Variants in ZNF782 observed in about 807,000 individuals in gnomAD.
The protein encoded by ZNF782 is zinc finger protein 782.
Under a neutral mutation model 13.0 loss-of-function variants are expected in ZNF782, and 12 were observed. The observed-to-expected ratio is 0.92, with a 90% CI of 0.59 to 1.50. The LOEUF (loss-of-function observed/expected upper bound fraction) is 1.50. ZNF782 is among the 40% of genes most tolerant of loss of function. The probability of loss-of-function intolerance (pLI) is 0.00; values close to 1 mark genes in which losing one functional copy is unlikely to be tolerated. For synonymous variants in ZNF782, 284 were observed against 283.0 expected, an observed-to-expected ratio of 1.00 and a Z score of -0.04; for missense variants, 770 against 822.9, an observed-to-expected ratio of 0.94 and a Z score of 0.79.
intron 1 of ZNF782, among the ~76,000 whole-genome samples, chr9:96,875,045 T>C (rs561335174): frequency 3.3e-5 from 5 of 152,360 alleles, no homozygotes; most frequent in Non-Finnish European, 5.9e-5. Context: ...CATGTCACTT[T>C]GCTCAGTGCT....
chr9:96,817,191 G>T lies in ZNF782; in HGVS notation c.*732C>A, dbSNP rs1850199398. 1 of 152,146 alleles carries T rather than the reference G, an allele frequency of 6.6e-6. No homozygotes were observed. Among genetic ancestry groups the T allele is most frequent in the Admixed American group, 6.6e-5 (1 of 15,266 alleles). 9.4% of individuals were successfully genotyped at this position (152,146 alleles called of 1,614,324 possible). ...AGAAGAAAATATTGAGAATTTGACT[G>T]ATGTATTTAAGACCTGTCACTGACC... On this transcript the variant is annotated 3_prime_UTR_variant, in exon 6 of 6. Coordinates refer to ENST00000481138, the MANE Select transcript of ZNF782 (RefSeq NM_001001662.3).
chr9:96,838,924 C>G (rs1401382945), intron 4 of ZNF782, among the ~76,000 whole-genome samples: 1 of 152,024 alleles, frequency 6.6e-6, no homozygotes, highest in African/African-American at 2.4e-5. Flanking sequence ...CCATGTTGGC[C>G]AGGCTGGTCT....
chr9:96,890,840 C>T, the ZNF782 span: 2 of 152,214 alleles, frequency 1.3e-5, no homozygotes, highest in Admixed American at 1.3e-4. Context: ...CCAGTGTTCA[C>T]AGCAACATTA....
the ZNF782 span, chr9:96,903,055 C>T: frequency 5.3e-5 from 8 of 150,620 alleles, no homozygotes; most frequent in African/African-American, 2.0e-4. Flanking sequence ...CCTCCAGCCT[C>T]GGCCTCCCAA....
chr9:96,883,241 G>A, the ZNF782 span, among the ~76,000 whole-genome samples: 9 of 152,286 alleles, frequency 5.9e-5, no homozygotes, highest in African/African-American at 2.2e-4. Context: ...CAAGCCACCT[G>A]ACTACAAGTG....
intron 4 of ZNF782, among the ~76,000 whole-genome samples, chr9:96,844,633 G>C (rs1021061756): frequency 6.6e-6 from 1 of 152,092 alleles, no homozygotes; most frequent in African/African-American, 2.4e-5. Context: ...ATCTTCTGGG[G>C]GGTGATAAAA....
In ZNF782 at chr9:96,818,573, C is replaced by T. The variant is rs201602435; in HGVS notation, c.1450G>A (p.Gly484Arg). ...GEKPFECNECGKSFSHMSGLR... is the reference protein window; with the variant it reads ...GEKPFECNECRKSFSHMSGLR... ...CCTGACATATGGCTGAAAGATTTCC[C>T]GCATTCATTACATTCAAAAGGTTTC... The change falls in exon 6 of 6, where the codon GGG becomes AGG. Residue 484 changes from glycine to arginine, a missense_variant. Coordinates refer to ENST00000481138, the MANE Select transcript of ZNF782 (RefSeq NM_001001662.3). 2.1e-4 allele frequency: 342 copies of T among 1,613,838 alleles called. 1 individual carries two copies. The highest frequency in any genetic ancestry group is 1.9e-3 in the South Asian group (177 of 91,016).
intron 4 of ZNF782, among the ~76,000 whole-genome samples, chr9:96,834,633 A>G (rs1459566883): frequency 1.3e-5 from 2 of 152,162 alleles, no homozygotes. Context: ...TGACGTCCTC[A>G]CCCGATGAAG....
chr9:96,875,615 G>C (rs1392829538), exon 1 of ZNF782: 5 of 456,302 alleles, frequency 1.1e-5, no homozygotes, highest in Non-Finnish European at 2.2e-5. Context: ...TTTCCCCAAG[G>C]TTCGCACTGA....
upstream of ZNF782, among the ~76,000 whole-genome samples, chr9:96,879,867 G>T (rs1423833224): frequency 6.6e-6 from 1 of 152,088 alleles, no homozygotes; most frequent in African/African-American, 2.4e-5. Context: ...TTCGTTTTAG[G>T]ATTTTTTTTT....
At chr9:96,894,926 G>A in the ZNF782 span, 6 of 152,058 alleles carry the variant, frequency 3.9e-5, no homozygotes, top group Non-Finnish European at 8.8e-5. Flanking sequence ...GTCTTGCTAC[G>A]TTGCCCAAGC....
the ZNF782 span, among the ~76,000 whole-genome samples, chr9:96,916,097 T>C: frequency 2.6e-5 from 4 of 151,940 alleles, no homozygotes; most frequent in Non-Finnish European, 4.4e-5. Flanking sequence ...TGCATCATAC[T>C]TGCACTTAAA....
the ZNF782 span, among the ~76,000 whole-genome samples, chr9:96,905,999 TG>T: frequency 1.3e-5 from 2 of 152,218 alleles, no homozygotes; most frequent in Non-Finnish European, 2.9e-5. Flanking sequence ...GACCCCTTTT[TG>T]GTAACACTGC....
At chr9:96,880,858 GTCATT>G in the ZNF782 span, among the ~76,000 whole-genome samples, 1 of 152,058 alleles carries the variant, frequency 6.6e-6, no homozygotes. Context: ...TAAAACTGAT[GTCATT>G]TCATCTTTAA....
the ZNF782 span, among the ~76,000 whole-genome samples, chr9:96,913,093 T>A: frequency 2.4e-3 from 365 of 150,790 alleles, 3 homozygotes; most frequent in African/African-American, 8.3e-3. Context: ...GAAGGGAGGA[T>A]CACTTCAGGC....
At chr9:96,824,556 G>A (rs1288733990) in intron 5 of ZNF782, among the ~76,000 whole-genome samples, 1 of 150,452 alleles carries the variant, frequency 6.6e-6, no homozygotes, top group Non-Finnish European at 1.5e-5. Context: ...TCTGGCCAGG[G>A]CAATTAGGCA....
At chr9:96,929,518 G>T in the ZNF782 span, among the ~76,000 whole-genome samples, 3 of 151,684 alleles carry the variant, frequency 2.0e-5, no homozygotes, top group African/African-American at 7.3e-5. Context: ...CTGTTGGGTG[G>T]GTTGGCTGTG....
At chr9:96,838,134 T>C (rs1249894832) in intron 4 of ZNF782, among the ~76,000 whole-genome samples, 3 of 152,198 alleles carry the variant, frequency 2.0e-5, no homozygotes, top group African/African-American at 7.2e-5. Context: ...CTGAGAATTT[T>C]TCTTTGACTC....
the ZNF782 span, chr9:96,902,809 AT>A: frequency 1.4e-5 from 2 of 143,402 alleles, no homozygotes; most frequent in East Asian, 5.4e-4. Context: ...TATTATTATT[AT>A]TATTATTATT....
Sources: allele counts gnomAD v4.1 joint callset (sites outside exome capture counted in the v4.1 genomes callset), GRCh38; gene constraint gnomAD v4.1.1; transcripts MANE v1.5; gene names NCBI Gene and HGNC (gene_info 2026-07-23, HGNC 2026-07-21).